C1orf185: variants seen among roughly 807,000 people sequenced by gnomAD.
C1orf185 encodes chromosome 1 open reading frame 185, also known as uncharacterized protein C1orf185.
Under a neutral mutation model 16.1 loss-of-function variants are expected in C1orf185, and 13 were observed. The observed-to-expected ratio is 0.81, with a 90% CI of 0.53 to 1.28. C1orf185 has a LOEUF of 1.28. C1orf185 is among the 50% of genes most tolerant of loss of function. C1orf185 has a pLI of 0.00. For missense variants in C1orf185, 220 were observed against 225.2 expected (o/e 0.98, Z 0.15); for synonymous variants, 80 against 76.9 (o/e 1.04, Z -0.21).
At chr1:51,106,405 T>C (rs1295971367) in intron 1 of C1orf185, among the ~76,000 whole-genome samples, 1 of 152,064 alleles carries the variant, frequency 6.6e-6, no homozygotes, top group African/African-American at 2.4e-5. Flanking sequence ...TGAGATTATG[T>C]TATGTCTATA....
intron 3 of C1orf185, among the ~76,000 whole-genome samples, chr1:51,130,632 T>G (rs750698964): frequency 6.6e-6 from 1 of 152,226 alleles, no homozygotes; most frequent in Non-Finnish European, 1.5e-5. Context: ...ACATCATTTG[T>G]AGAAAAGTCT....
At chr1:51,105,326 G>T (rs1313880376) in intron 1 of C1orf185, among the ~76,000 whole-genome samples, 1 of 151,394 alleles carries the variant, frequency 6.6e-6, no homozygotes, top group Non-Finnish European at 1.5e-5. Flanking sequence ...AAATTATCAG[G>T]CAATGTTTAA....
At chr1:51,134,363 C>T (rs1340515213) in intron 3 of C1orf185, among the ~76,000 whole-genome samples, 2 of 151,990 alleles carry the variant, frequency 1.3e-5, no homozygotes, top group African/African-American at 4.8e-5. Flanking sequence ...AAACATATAG[C>T]ACTAAATGCC....
At chr1:51,103,961 A>G (rs1457576108) in intron 1 of C1orf185, among the ~76,000 whole-genome samples, 1 of 152,232 alleles carries the variant, frequency 6.6e-6, no homozygotes, top group Non-Finnish European at 1.5e-5. Context: ...AGCTTTTCAA[A>G]GTTCACAGAT....
chr1:51,129,178 C>T (rs1039124311), intron 3 of C1orf185, among the ~76,000 whole-genome samples: 2 of 152,176 alleles, frequency 1.3e-5, no homozygotes, highest in Middle Eastern at 3.2e-3. Flanking sequence ...AGCCACCGTG[C>T]CTGGCCACGC....
chr1:51,136,870 A>C (rs1646329006), intron 3 of C1orf185, among the ~76,000 whole-genome samples: 1 of 152,226 alleles, frequency 6.6e-6, no homozygotes, highest in Non-Finnish European at 1.5e-5. Flanking sequence ...TGATGAAGAC[A>C]CCAATAGCAA....
At chr1:51,143,339 G>A (rs1479022980) in intron 3 of C1orf185, among the ~76,000 whole-genome samples, 1 of 152,070 alleles carries the variant, frequency 6.6e-6, no homozygotes, top group Admixed American at 6.6e-5. Context: ...TTGTCATTTA[G>A]CTTTCTATGA....
intron 3 of C1orf185, among the ~76,000 whole-genome samples, chr1:51,144,110 T>G (rs1312958794): frequency 6.6e-6 from 1 of 152,230 alleles, no homozygotes; most frequent in Non-Finnish European, 1.5e-5. Context: ...CGGCATTCCC[T>G]TATTTTGGGT....
At chr1:51,113,062 G>T (rs866549685) in intron 2 of C1orf185, among the ~76,000 whole-genome samples, 1 of 151,552 alleles carries the variant, frequency 6.6e-6, no homozygotes, top group Admixed American at 6.6e-5. Flanking sequence ...CAGACGATCC[G>T]CCCGCCTCGG....
chr1:51,136,451 GC>G (rs1646324717), intron 3 of C1orf185, among the ~76,000 whole-genome samples: 3 of 151,652 alleles, frequency 2.0e-5, no homozygotes, highest in African/African-American at 7.3e-5. Flanking sequence ...GAAATCCTAA[GC>G]AAAAAGAACA....
At chr1:51,121,765 C>T (rs1013787139) in intron 3 of C1orf185, among the ~76,000 whole-genome samples, 1 of 152,006 alleles carries the variant, frequency 6.6e-6, no homozygotes, top group Non-Finnish European at 1.5e-5. Flanking sequence ...ATATGACATA[C>T]ATACAGAAGA....
At chr1:51,115,723 C>G (rs1646152681) in intron 2 of C1orf185, among the ~76,000 whole-genome samples, 1 of 152,036 alleles carries the variant, frequency 6.6e-6, no homozygotes, top group Non-Finnish European at 1.5e-5. Flanking sequence ...CTCTATGAAG[C>G]CTGAATTTTA....
chr1:51,125,228 A>G (rs149005995), intron 3 of C1orf185, among the ~76,000 whole-genome samples: 1 of 152,208 alleles, frequency 6.6e-6, no homozygotes, highest in Admixed American at 6.5e-5. Context: ...TTAATGCTCC[A>G]ATGCCCACCC....
intron 2 of C1orf185, among the ~76,000 whole-genome samples, chr1:51,115,606 T>C (rs1646151965): frequency 6.6e-6 from 1 of 152,226 alleles, no homozygotes; most frequent in African/African-American, 2.4e-5. Flanking sequence ...TGATTAGCTT[T>C]ATTAGAAACG....
intron 3 of C1orf185, among the ~76,000 whole-genome samples, chr1:51,129,093 C>T (rs928588762): frequency 2.0e-5 from 3 of 152,042 alleles, no homozygotes; most frequent in African/African-American, 4.8e-5. Context: ...CCATGTTGGC[C>T]AGGCTGGTCT....
intron 3 of C1orf185, among the ~76,000 whole-genome samples, chr1:51,141,745 C>A (rs1646366030): frequency 6.6e-6 from 1 of 152,130 alleles, no homozygotes; most frequent in Non-Finnish European, 1.5e-5. Flanking sequence ...AGTGTACATA[C>A]TAAGAATGAA....
chr1:51,148,251 G>C (rs1039275804), downstream of C1orf185, among the ~76,000 whole-genome samples: 18 of 152,132 alleles, frequency 1.2e-4, no homozygotes, highest in Middle Eastern at 3.2e-3. Context: ...AGCCTCCTGA[G>C]TAGCTGGGAT....
chr1:51,128,542 A>G (rs1006197893), intron 3 of C1orf185, among the ~76,000 whole-genome samples: 8 of 152,014 alleles, frequency 5.3e-5, no homozygotes, highest in Non-Finnish European at 8.8e-5. Context: ...AAATAAAAAA[A>G]ATTAGCCAGG....
intron 3 of C1orf185, among the ~76,000 whole-genome samples, chr1:51,142,989 C>A (rs1646375293): frequency 6.6e-6 from 1 of 152,114 alleles, no homozygotes; most frequent in African/African-American, 2.4e-5. Flanking sequence ...TTCTCAAACT[C>A]CTGGCCTCAG....
Sources: gnomAD v4.1 joint callset for allele counts (sites outside exome capture counted in the v4.1 genomes callset) on GRCh38, gnomAD v4.1.1 for gene constraint, MANE v1.5 for transcripts, NCBI Gene and HGNC (gene_info 2026-07-23, HGNC 2026-07-21) for gene names.